TEX11: variants seen among roughly 807,000 people sequenced by gnomAD.
The protein encoded by TEX11 is testis-expressed protein 11.
TEX11 carries 7 observed loss-of-function variants against 84.4 expected under a neutral mutation model. The observed-to-expected ratio is 0.08, with a 90% CI of 0.05 to 0.16. The LOEUF is 0.16. Ranked by LOEUF, TEX11 falls within the 10% of genes least tolerant of loss-of-function variation. The probability of loss-of-function intolerance (pLI) is 1.00; values close to 1 mark genes in which losing one functional copy is unlikely to be tolerated. For synonymous variants in TEX11, 264 were observed against 222.8 expected (o/e 1.18, Z -1.64); for missense variants, 551 against 660.5 (o/e 0.83, Z 1.82).
chrX:70,872,799 T>G (rs774302396), intron 4 of TEX11, among the ~76,000 whole-genome samples: 18 of 112,340 alleles, frequency 1.6e-4, no homozygotes, highest in Admixed American at 8.5e-4. Flanking sequence ...TTTACACTTT[T>G]TAAAATCTGA....
At chrX:70,614,125 G>A (rs73220864) in intron 20 of TEX11, among the ~76,000 whole-genome samples, 12,398 of 111,138 alleles carry the variant, frequency 0.11, 590 homozygotes, top group Middle Eastern at 0.2. Flanking sequence ...AGCTATGGCA[G>A]CTATGGTGAG....
At chrX:70,589,645 C>G (rs1393807265) in intron 25 of TEX11, among the ~76,000 whole-genome samples, 1 of 111,152 alleles carries the variant, frequency 9.0e-6, no homozygotes, top group African/African-American at 3.3e-5. Flanking sequence ...GTCTCAGGCT[C>G]CCAAGTAGCT....
chrX:70,643,641 G>A (rs1289124234), intron 17 of TEX11, among the ~76,000 whole-genome samples: 2 of 109,657 alleles, frequency 1.8e-5, no homozygotes, highest in African/African-American at 3.3e-5. Context: ...TCTGATCTTT[G>A]ACAAACCTGA....
At chrX:70,609,011 A>T in intron 22 of TEX11, 80 bp downstream of exon 22, 1 of 805,078 alleles carries the variant, frequency 1.2e-6, no homozygotes, top group Admixed American at 3.2e-5. Context: ...GCTACAAATG[A>T]AAGATCCAGA....
intron 28 of TEX11, among the ~76,000 whole-genome samples, chrX:70,549,793 C>T (rs948704265): frequency 2.7e-5 from 3 of 112,638 alleles, no homozygotes; most frequent in African/African-American, 6.4e-5. Flanking sequence ...ACTCCAGGCC[C>T]TGGCTCCTGC....
At chrX:70,752,539 A>G (rs1396926010) in intron 9 of TEX11, among the ~76,000 whole-genome samples, 2 of 107,899 alleles carry the variant, frequency 1.9e-5, no homozygotes, top group Admixed American at 1.0e-4. Flanking sequence ...AAAAAAAAAA[A>G]AAAAAAGAAA....
At chrX:70,515,692 C>G in the TEX11 span, among the ~76,000 whole-genome samples, 2 of 112,536 alleles carry the variant, frequency 1.8e-5, no homozygotes, top group Non-Finnish European at 3.7e-5. Context: ...TGAGGAATCA[C>G]CACACTGACT....
intron 11 of TEX11, among the ~76,000 whole-genome samples, chrX:70,729,470 T>C (rs749432151): frequency 2.7e-5 from 3 of 111,829 alleles, no homozygotes; most frequent in Non-Finnish European, 3.8e-5. Flanking sequence ...TTAAAGGACC[T>C]GATGGAGCTG....
At chrX:70,808,669 T>G (rs1411295998) in intron 8 of TEX11, among the ~76,000 whole-genome samples, 1 of 109,415 alleles carries the variant, frequency 9.1e-6, no homozygotes, top group Admixed American at 9.9e-5. Context: ...AAAACCTTAA[T>G]GTACCCCATA....
intron 9 of TEX11, among the ~76,000 whole-genome samples, chrX:70,758,217 T>G (rs968898272): frequency 9.9e-5 from 11 of 111,522 alleles, no homozygotes; most frequent in East Asian, 8.4e-4. Flanking sequence ...CAGATCAACA[T>G]GACAGAAAGT....
In TEX11 at chrX:70,818,737, T is replaced by C. The variant is rs778251981; in HGVS notation, c.607-11947A>G. On this transcript the variant is annotated intron_variant, in intron 8 of 29. Coordinates refer to ENST00000374333, the MANE Select transcript of TEX11 (RefSeq NM_031276.3). ...TATCCCTGGGATTAGCATTCTTGCA[T>C]GCATCCAGAACCAGCACCACCACAC... Among the ~76,000 whole-genome samples the C allele has an allele frequency of 4.5e-5, 5 of 110,952 alleles. No homozygotes were observed. The East Asian group carries it at 1.4e-3, about 32-fold the overall frequency.
chrX:70,700,571 C>T (rs2090317792), intron 13 of TEX11, among the ~76,000 whole-genome samples: 1 of 111,332 alleles, frequency 9.0e-6, no homozygotes. Flanking sequence ...TTGGGCACCC[C>T]TATTCCCTGA....
intron 8 of TEX11, among the ~76,000 whole-genome samples, chrX:70,823,381 T>G (rs762424517): frequency 1.3e-4 from 14 of 110,817 alleles, no homozygotes; most frequent in African/African-American, 3.9e-4. Flanking sequence ...TAGGTGATTT[T>G]TTTCTAAGAG....
chrX:70,665,577 A>T (rs996195342), intron 16 of TEX11, among the ~76,000 whole-genome samples: 3 of 112,022 alleles, frequency 2.7e-5, no homozygotes, highest in African/African-American at 6.5e-5. Flanking sequence ...CAATTAAAAA[A>T]TTTTTATTTA....
chrX:70,789,171 C>T (rs1398818115), intron 9 of TEX11, among the ~76,000 whole-genome samples: 1 of 104,340 alleles, frequency 9.6e-6, no homozygotes, highest in Non-Finnish European at 2.0e-5. Flanking sequence ...TACAACACGA[C>T]CCTGTCTCAA....
rs763239374 is a variant in TEX11, at chrX:70,579,525, A to C, written c.2140+12226T>G. ...AACAAAAAAACAAAAAAAACAAAAA[A>C]AAAAAAAAACAAAAAAGAAACTGAA... On this transcript the variant is annotated intron_variant, in intron 25 of 29. Transcript: ENST00000374333. Among the ~76,000 whole-genome samples, 13 of 29,821 alleles carry C rather than the reference A, an allele frequency of 4.4e-4. No homozygotes were observed. In the East Asian group the frequency reaches 5.8e-3, roughly 13 times the overall value. 25.9% of individuals were successfully genotyped at this position (29,821 alleles called of 115,157 possible). A position where few individuals can be genotyped will look rare whatever the true frequency, so the allele number is the denominator to read the frequency against.
chrX:70,708,108 A>G (rs1015466448), intron 13 of TEX11, among the ~76,000 whole-genome samples: 1 of 111,296 alleles, frequency 9.0e-6, no homozygotes, highest in Non-Finnish European at 1.9e-5. Context: ...CAAGCAAAAA[A>G]CAAATAGCCT....
At chrX:70,677,768 C>G (rs2090084971) in intron 15 of TEX11, among the ~76,000 whole-genome samples, 1 of 107,597 alleles carries the variant, frequency 9.3e-6, no homozygotes, top group South Asian at 4.2e-4. Context: ...AAGCAGTAAG[C>G]TGCACAATTG....
chrX:70,826,130 C>G (rs775080000), intron 8 of TEX11, among the ~76,000 whole-genome samples: 34 of 110,204 alleles, frequency 3.1e-4, no homozygotes, highest in Middle Eastern at 4.7e-3. Context: ...ATAATGAAAC[C>G]CCCCCAACGT....
Sources: allele counts gnomAD v4.1 joint callset (sites outside exome capture counted in the v4.1 genomes callset), GRCh38; gene constraint gnomAD v4.1.1; transcripts MANE v1.5; gene names NCBI Gene and HGNC (gene_info 2026-07-23, HGNC 2026-07-21).